Variants in PCDHA8 observed in about 807,000 individuals in gnomAD.
The protein encoded by PCDHA8 is protocadherin alpha-8.
Under a neutral mutation model 61.8 loss-of-function variants are expected in PCDHA8, and 53 were observed. That is an observed-to-expected ratio of 0.86 (90% CI 0.69 to 1.08). The LOEUF is 1.08. Among genes scored for constraint, PCDHA8 ranks in the 50% least tolerant of loss-of-function variants. PCDHA8 has a pLI of 0.00. For missense variants in PCDHA8, 1,293 were observed against 1,245.0 expected (o/e 1.04, Z -0.58); for synonymous variants, 618 against 556.6 (o/e 1.11, Z -1.55).
chr5:140,927,105 CAGCGG>C, intron 1 of PCDHA8: 1 of 1,613,778 alleles, frequency 6.2e-7, no homozygotes, highest in Non-Finnish European at 8.5e-7. Flanking sequence ...TGGATCTACC[CAGCGG>C]CAATTTGGTG....
At position 140,918,978 on chromosome 5, in the gene PCDHA8, G is replaced by C. The variant is rs1363137172; in HGVS notation, c.2395-59971G>C. On this transcript the variant is annotated intron_variant, in intron 1 of 3. Transcript: ENST00000531613. Reference sequence around the variant, plus strand: ...ACTAAGACAGATATCGTTTAGGTTAGTTGGTTTTTAGTGTTGTTCACATCT... The same window carrying C: ...ACTAAGACAGATATCGTTTAGGTTACTTGGTTTTTAGTGTTGTTCACATCT... Among the ~76,000 whole-genome samples, 5 of 152,204 alleles carry C rather than the reference G, an allele frequency of 3.3e-5. No homozygotes were observed. In the South Asian group the frequency reaches 8.3e-4, roughly 25 times the overall value.
chr5:140,926,353 C>T (rs1402316154), intron 1 of PCDHA8: 1 of 152,272 alleles, frequency 6.6e-6, no homozygotes, highest in Non-Finnish European at 1.5e-5. Flanking sequence ...ACGCGCGGCT[C>T]CCAAAGGGCG....
In PCDHA8 at chr5:140,843,411, A is replaced by G. The variant is rs2150359358; in HGVS notation, c.2090A>G (p.Asn697Ser). Residue 697 changes from asparagine (N) to serine (S), a missense_variant, in exon 1 of 4, where the codon AAC becomes AGC. Transcript: ENST00000531613. The stretch of plus-strand genomic sequence containing the variant: ...CCGGAAGCGGCGCTGGTGGATGTCA[A>G]CGTGTACCTGATCATCGCCATCTGC... ...LGPEAALVDV[N>S]VYLIIAICAV... is the part of the protein sequence containing the mutation. 2.5e-5 allele frequency: 40 copies of G among 1,596,006 alleles called. 6 individuals carry two copies. The highest frequency in any genetic ancestry group is 1.1e-4 in the African/African-American group (8 of 74,534).
intron 1 of PCDHA8, chr5:140,852,034 GT>G: frequency 1.1e-6 from 1 of 935,708 alleles, no homozygotes; most frequent in Non-Finnish European, 1.3e-6. Flanking sequence ...CGCTTATTGA[GT>G]TTTTGTTATG....
At chr5:140,911,437 G>A (rs530362672) in intron 1 of PCDHA8, among the ~76,000 whole-genome samples, 3 of 152,166 alleles carry the variant, frequency 2.0e-5, no homozygotes, top group East Asian at 3.9e-4. Context: ...CCAATTTCCC[G>A]CAATTTCAGC....
At chr5:140,987,995 C>T (rs1554249784) in intron 3 of PCDHA8, among the ~76,000 whole-genome samples, 3 of 152,178 alleles carry the variant, frequency 2.0e-5, no homozygotes, top group African/African-American at 7.2e-5. Flanking sequence ...CATCTCTGAT[C>T]CTTCCCCAGA....
intron 1 of PCDHA8, among the ~76,000 whole-genome samples, chr5:140,889,692 T>C (rs1237047126): frequency 1.3e-5 from 2 of 152,202 alleles, no homozygotes; most frequent in Non-Finnish European, 1.5e-5. Context: ...TTTAGTATTA[T>C]GGGCATATTC....
chr5:140,961,192 A>G (rs1322057564), intron 1 of PCDHA8, among the ~76,000 whole-genome samples: 1 of 152,170 alleles, frequency 6.6e-6, no homozygotes, highest in African/African-American at 2.4e-5. Flanking sequence ...ACAGGACCCT[A>G]GTGAGGTTGG....
At chr5:140,949,826 T>G (rs954476311) in intron 1 of PCDHA8, among the ~76,000 whole-genome samples, 2 of 151,922 alleles carry the variant, frequency 1.3e-5, no homozygotes, top group Non-Finnish European at 2.9e-5. Flanking sequence ...ATTTGTCCCC[T>G]CTGATTTTGT....
At chr5:140,969,529 T>G in intron 1 of PCDHA8, 7 of 1,377,800 alleles carry the variant, frequency 5.1e-6, no homozygotes, top group Non-Finnish European at 6.8e-6. Flanking sequence ...GTTTTATTTT[T>G]CATTTTCAGA....
intron 1 of PCDHA8, among the ~76,000 whole-genome samples, chr5:140,970,553 C>T (rs1349644785): frequency 5.9e-5 from 9 of 152,122 alleles, no homozygotes; most frequent in South Asian, 2.1e-4. Flanking sequence ...GTTGTGTGTT[C>T]GTCTCCATAT....
chr5:140,985,878 T>A (rs891027308), intron 3 of PCDHA8, among the ~76,000 whole-genome samples: 1 of 151,822 alleles, frequency 6.6e-6, no homozygotes, highest in South Asian at 2.1e-4. Flanking sequence ...TAGCTGGGAC[T>A]ACAGGCGCCC....
chr5:140,969,311 G>A (rs2096317598), intron 1 of PCDHA8: 2 of 1,614,050 alleles, frequency 1.2e-6, no homozygotes, highest in Non-Finnish European at 1.7e-6. Context: ...TCTCAAAAAT[G>A]AGGCTGTTTC....
chr5:140,982,357 A>G, intron 2 of PCDHA8, 118 bp from the exon 3 acceptor site: 1 of 1,520,660 alleles, frequency 6.6e-7, no homozygotes. Flanking sequence ...TTCAAGCATG[A>G]GCAGAATGTG....
rs138092357 is a variant in PCDHA8 at position 140,856,175 on chromosome 5, T to C, written c.2394+12460T>C. On this transcript the variant is annotated intron_variant, in intron 1 of 3. Transcript: ENST00000531613. The stretch of plus-strand genomic sequence containing the variant: ...CTACGAGGAGGCCAGACACGGCACC[T>C]TCGTGGGCCGCATCGCGCAGGACCT... The C allele has an allele frequency of 1.5e-4, 244 of 1,598,214 alleles. 13 individuals are homozygous for C. The African/African-American group carries it at 2.9e-3, about 19-fold the overall frequency.
intron 3 of PCDHA8, among the ~76,000 whole-genome samples, chr5:140,986,222 G>A (rs1554247822): frequency 1.3e-5 from 2 of 152,164 alleles, no homozygotes; most frequent in African/African-American, 4.8e-5. Flanking sequence ...CCTTTCTCTA[G>A]CCTCCCCTCT....
chr5:140,929,166 C>T (rs782695019), intron 1 of PCDHA8: 1 of 1,614,146 alleles, frequency 6.2e-7, no homozygotes, highest in Non-Finnish European at 8.5e-7. Context: ...TCTATCGGGC[C>T]TCTCTGGGAC....
intron 1 of PCDHA8, 127 bp from the exon 2 acceptor site, chr5:140,978,822 A>G: frequency 6.6e-7 from 1 of 1,521,216 alleles, no homozygotes; most frequent in Non-Finnish European, 8.8e-7. Context: ...GTTACACATG[A>G]AATGGCTCAT....
intron 1 of PCDHA8, chr5:140,884,552 G>A (rs1554181720): frequency 6.2e-7 from 1 of 1,614,142 alleles, no homozygotes; most frequent in East Asian, 2.2e-5. Context: ...GTGCTCTGGG[G>A]AGGGCCCGCA....
Sources: allele counts gnomAD v4.1 joint callset (sites outside exome capture counted in the v4.1 genomes callset), GRCh38; gene constraint gnomAD v4.1.1; transcripts MANE v1.5; gene names NCBI Gene and HGNC (gene_info 2026-07-23, HGNC 2026-07-21).